The following GNAQ variants were observed in gnomAD, a reference collection of about 807,000 sequenced individuals.
GNAQ encodes the protein G protein subunit alpha q, also known as guanine nucleotide-binding protein G(q) subunit alpha.
Under a neutral mutation model 43.9 loss-of-function variants are expected in GNAQ, and 8 were observed. The observed-to-expected ratio is 0.18, with a 90% CI of 0.11 to 0.33. The LOEUF is 0.33. Among genes scored for constraint, GNAQ ranks in the 10% least tolerant of loss-of-function variants. The pLI, the probability that GNAQ is intolerant of heterozygous loss-of-function variation, is 1.00. For missense variants in GNAQ, 158 were observed against 450.8 expected, an observed-to-expected ratio of 0.35 and a Z score of 5.88; for synonymous variants, 155 against 170.7, an observed-to-expected ratio of 0.91 and a Z score of 0.71.
At chr9:77,911,155 TG>T (rs1390200222) in intron 2 of GNAQ, among the ~76,000 whole-genome samples, 1 of 152,178 alleles carries the variant, frequency 6.6e-6, no homozygotes, top group African/African-American at 2.4e-5. Flanking sequence ...GTGCATGAGC[TG>T]AAGACAAGCT....
At chr9:77,917,527 A>T (rs1828929954) in intron 2 of GNAQ, among the ~76,000 whole-genome samples, 1 of 151,852 alleles carries the variant, frequency 6.6e-6, no homozygotes, top group Non-Finnish European at 1.5e-5. Context: ...TTTTAAAATA[A>T]TAAACTTAAA....
At position 78,007,413 on chromosome 9, in the gene GNAQ, G is replaced by A. The variant is rs76373750; in HGVS notation, c.136+23687C>T. Among the ~76,000 whole-genome samples, 10 of 149,108 alleles carry A rather than the reference G, an allele frequency of 6.7e-5. No homozygotes were observed. The East Asian group carries it at 1.8e-3, about 26-fold the overall frequency. On this transcript the variant is annotated intron_variant, in intron 1 of 6. Coordinates refer to ENST00000286548, the MANE Select transcript of GNAQ (RefSeq NM_002072.5). ...TTATTCACTGCATTCCCTTGCTCAA[G>A]CAAGCCACCCACTAGAAAACAAGGA...
rs1011165389 is a variant in GNAQ at position 77,905,169 on chromosome 9, T to G, written c.321+16992A>C. ...GTTGCCCATTCATTGAATGTGGAACTTGGAACATCGCTGAGTTATCAGATA... is the reference window on the plus strand; with the variant it reads ...GTTGCCCATTCATTGAATGTGGAACGTGGAACATCGCTGAGTTATCAGATA... On this transcript the variant is annotated intron_variant, in intron 2 of 6. Transcript: ENST00000286548. Among the ~76,000 whole-genome samples, 4 of 152,234 alleles carry G rather than the reference T, an allele frequency of 2.6e-5. No individual in the cohort carries two copies. The South Asian group carries it at 8.3e-4, about 32-fold the overall frequency.
chr9:77,939,283 T>C (rs950653221), intron 1 of GNAQ, among the ~76,000 whole-genome samples: 4 of 152,172 alleles, frequency 2.6e-5, no homozygotes, highest in Admixed American at 6.5e-5. Flanking sequence ...CAAAAGTAAA[T>C]TTCCAAATTC....
intron 2 of GNAQ, among the ~76,000 whole-genome samples, chr9:77,863,216 A>AAGGAAGGGAGGG (rs1281288103): frequency 1.9e-4 from 28 of 148,974 alleles, no homozygotes; most frequent in African/African-American, 6.9e-4. Flanking sequence ...GGAAGGAAGG[A>AAGGAAGGGAGGG]AGGGAGGAAG....
chr9:77,861,324 G>T (rs1160040644), intron 2 of GNAQ, among the ~76,000 whole-genome samples: 1 of 152,126 alleles, frequency 6.6e-6, no homozygotes, highest in Non-Finnish European at 1.5e-5. Context: ...AGATTTGGGT[G>T]GGGAAACAGC....
intron 1 of GNAQ, among the ~76,000 whole-genome samples, chr9:77,971,499 C>G (rs1823236128): frequency 6.6e-6 from 1 of 152,186 alleles, no homozygotes; most frequent in South Asian, 2.1e-4. Flanking sequence ...AAACGTAATC[C>G]ATCACATGAA....
chr9:77,808,582 C>T (rs965799333), intron 3 of GNAQ, among the ~76,000 whole-genome samples: 5 of 152,012 alleles, frequency 3.3e-5, no homozygotes, highest in Admixed American at 2.6e-4. Context: ...CTGTTCATTA[C>T]ATTTCCAGGT....
At chr9:77,997,583 G>A (rs955964966) in intron 1 of GNAQ, among the ~76,000 whole-genome samples, 2 of 152,124 alleles carry the variant, frequency 1.3e-5, no homozygotes, top group African/African-American at 4.8e-5. Context: ...ATCAGAACGG[G>A]ATCCCCTTCC....
Position 77,725,563 on chromosome 9 carries a change from T to G in GNAQ, c.889+2951A>C, listed in dbSNP as rs1825384227. Among the ~76,000 whole-genome samples, 4 of 121,056 alleles carry G rather than the reference T, an allele frequency of 3.3e-5. No homozygotes were observed. The South Asian group carries it at 1.1e-3, about 32-fold the overall frequency. 79.4% of individuals were successfully genotyped at this position (121,056 alleles called of 152,430 possible). ...TTTCCTCTGTGCATTATATGTATAC[T>G]GGGGTAAGGTAACAGTAAAAAAAAA... is the stretch of plus-strand genomic sequence containing the variant. On this transcript the variant is annotated intron_variant, in intron 6 of 6. Coordinates refer to ENST00000286548, the MANE Select transcript of GNAQ (RefSeq NM_002072.5).
intron 1 of GNAQ, among the ~76,000 whole-genome samples, chr9:77,976,374 TTTTTGG>T (rs1823302170): frequency 6.6e-6 from 1 of 151,688 alleles, no homozygotes; most frequent in Non-Finnish European, 1.5e-5. Flanking sequence ...TGTTTTTTGG[TTTTTGG>T]TTTTTTTTTG....
chr9:77,897,706 C>CA (rs767596866), intron 2 of GNAQ, among the ~76,000 whole-genome samples: 1 of 151,724 alleles, frequency 6.6e-6, no homozygotes, highest in Non-Finnish European at 1.5e-5. Flanking sequence ...ATTGAAACAC[C>CA]AAAAAAACGT....
At chr9:77,835,345 A>G (rs948176599) in intron 2 of GNAQ, among the ~76,000 whole-genome samples, 13 of 152,032 alleles carry the variant, frequency 8.6e-5, no homozygotes, top group African/African-American at 3.1e-4. Flanking sequence ...GCTAAACTTC[A>G]ACCAAGACAA....
intron 3 of GNAQ, among the ~76,000 whole-genome samples, chr9:77,808,705 G>C (rs376561131): frequency 6.6e-6 from 1 of 152,184 alleles, no homozygotes; most frequent in South Asian, 2.1e-4. Flanking sequence ...GAGAATTTAA[G>C]GATTATGTAT....
At chr9:77,811,430 AGAAAG>A (rs1448590958) in intron 3 of GNAQ, among the ~76,000 whole-genome samples, 1 of 152,198 alleles carries the variant, frequency 6.6e-6, no homozygotes, top group African/African-American at 2.4e-5. Context: ...CAAAAAAGTC[AGAAAG>A]GAAAAGGGCT....
At chr9:77,924,785 A>C (rs988148430) in intron 1 of GNAQ, among the ~76,000 whole-genome samples, 2 of 152,094 alleles carry the variant, frequency 1.3e-5, no homozygotes, top group Non-Finnish European at 2.9e-5. Flanking sequence ...AAAAACAATA[A>C]AAGTATCAAC....
intron 1 of GNAQ, among the ~76,000 whole-genome samples, chr9:77,970,391 A>G (rs997353957): frequency 1.3e-5 from 2 of 152,122 alleles, no homozygotes; most frequent in Non-Finnish European, 2.9e-5. Flanking sequence ...AAAAGTTACC[A>G]ACGGCCCAAC....
intron 5 of GNAQ, among the ~76,000 whole-genome samples, chr9:77,769,361 G>A (rs993440545): frequency 2.0e-5 from 3 of 150,922 alleles, no homozygotes; most frequent in East Asian, 2.0e-4. Flanking sequence ...GAGAGATTGC[G>A]CCACTGCACT....
At chr9:77,895,413 T>C (rs765420216) in intron 2 of GNAQ, among the ~76,000 whole-genome samples, 1 of 152,190 alleles carries the variant, frequency 6.6e-6, no homozygotes, top group Middle Eastern at 3.4e-3. Flanking sequence ...GATCCAGTCT[T>C]GGTGAGGGGA....
Sources: allele counts gnomAD v4.1 joint callset (sites outside exome capture counted in the v4.1 genomes callset), GRCh38; gene constraint gnomAD v4.1.1; transcripts MANE v1.5; gene names NCBI Gene and HGNC (gene_info 2026-07-23, HGNC 2026-07-21).